Variants in SNX4 observed in about 807,000 individuals in gnomAD.
SNX4 encodes the protein sorting nexin-4.
A neutral mutation model predicts 70.8 loss-of-function variants in SNX4; 49 were observed. That is an observed-to-expected ratio of 0.69 (90% CI 0.55 to 0.88). SNX4 has a LOEUF of 0.88. Ranked by LOEUF, SNX4 falls within the 40% of genes least tolerant of loss-of-function variation. SNX4 has a pLI of 0.00. For missense variants in SNX4, 528 were observed against 544.8 expected (o/e 0.97, Z 0.31); for synonymous variants, 206 against 183.8 (o/e 1.12, Z -0.98).
At chr3:125,469,558 A>G (rs929949534) in intron 8 of SNX4, 39 bp from the exon 9 acceptor site, 3 of 1,343,736 alleles carry the variant, frequency 2.2e-6, no homozygotes, top group African/African-American at 1.4e-5. Flanking sequence ...AACATGCATT[A>G]GAGATATGGA....
chr3:125,469,631 C>A, intron 8 of SNX4, 112 bp from the exon 9 acceptor site: 1 of 720,970 alleles, frequency 1.4e-6, no homozygotes, highest in South Asian at 1.8e-5. Flanking sequence ...ATGTATAGCA[C>A]CCGTATTTGG....
rs1398252177 is a variant in SNX4, at chr3:125,498,052, T to G, written c.399+7A>C. On this transcript the variant is annotated splice_region_variant and intron_variant, in intron 3 of 13. Transcript: ENST00000251775. Reference sequence around the variant, plus strand: ...TACTTCTAAACTACTGCCATTTCACTTCTTACCCGTTTTTCTGGCAGAGGT... The same window carrying G: ...TACTTCTAAACTACTGCCATTTCACGTCTTACCCGTTTTTCTGGCAGAGGT... 6.2e-7 allele frequency: 1 copy of G among 1,614,008 alleles called. No homozygotes were observed. The highest frequency in any genetic ancestry group is 1.3e-5 in the African/African-American group (1 of 74,928).
intron 6 of SNX4, among the ~76,000 whole-genome samples, chr3:125,483,214 C>A (rs1157008617): frequency 2.0e-5 from 3 of 151,390 alleles, no homozygotes; most frequent in African/African-American, 7.3e-5. Context: ...GCTTTCTTTA[C>A]GTAGAGCCAG....
Position 125,447,767 on chromosome 3 carries a change from C to T in SNX4, c.*12G>A. The T allele has an allele frequency of 6.3e-7, 1 of 1,582,238 alleles. No homozygotes were observed. Among genetic ancestry groups the T allele is most frequent in the Non-Finnish European group, 8.6e-7 (1 of 1,165,218 alleles). On this transcript the variant is annotated 3_prime_UTR_variant, in exon 14 of 14. Coordinates refer to ENST00000251775, the MANE Select transcript of SNX4 (RefSeq NM_003794.4). ...GGGGCACTTTGATTGAAGAGAAATT[C>T]AATTCACAGGATTACATCTTGCTAA...
chr3:125,483,387 T>G (rs1934459504), intron 6 of SNX4, among the ~76,000 whole-genome samples: 1 of 152,076 alleles, frequency 6.6e-6, no homozygotes, highest in African/African-American at 2.4e-5. Flanking sequence ...CAGAACTGAT[T>G]AGGTCCCCTA....
chr3:125,493,477 C>T (rs1934706704), intron 5 of SNX4, among the ~76,000 whole-genome samples: 2 of 150,620 alleles, frequency 1.3e-5, no homozygotes, highest in Non-Finnish European at 3.0e-5. Context: ...CACGGTGAAA[C>T]CCTATCTCTA....
intron 5 of SNX4, among the ~76,000 whole-genome samples, chr3:125,494,910 C>T (rs1335890411): frequency 2.0e-5 from 3 of 152,154 alleles, no homozygotes; most frequent in Non-Finnish European, 4.4e-5. Flanking sequence ...GTGTGACTCA[C>T]ATACCACTGC....
intron 5 of SNX4, among the ~76,000 whole-genome samples, chr3:125,491,983 C>T (rs1269272222): frequency 6.6e-6 from 1 of 151,900 alleles, no homozygotes; most frequent in Non-Finnish European, 1.5e-5. Flanking sequence ...TGGCACATGC[C>T]TGTAATCCCA....
intron 12 of SNX4, among the ~76,000 whole-genome samples, chr3:125,452,414 T>A (rs1158261670): frequency 6.6e-6 from 1 of 151,950 alleles, no homozygotes; most frequent in Admixed American, 6.6e-5. Flanking sequence ...TTGTTTTAAA[T>A]CACAACCAAA....
At chr3:125,456,680 A>G (rs1933724024) in intron 11 of SNX4, among the ~76,000 whole-genome samples, 1 of 152,122 alleles carries the variant, frequency 6.6e-6, no homozygotes, top group Non-Finnish European at 1.5e-5. Flanking sequence ...AATTTTTTTG[A>G]GATGGAGTCT....
intron 1 of SNX4, among the ~76,000 whole-genome samples, chr3:125,510,748 G>T (rs1935152749): frequency 6.6e-6 from 1 of 152,162 alleles, no homozygotes; most frequent in African/African-American, 2.4e-5. Flanking sequence ...AATGATGGCT[G>T]CCAGCAGCTG....
intron 8 of SNX4, among the ~76,000 whole-genome samples, chr3:125,471,121 G>A (rs923422913): frequency 3.3e-5 from 5 of 152,090 alleles, no homozygotes; most frequent in African/African-American, 9.7e-5. Context: ...AAGGAGGGCA[G>A]ATCACCTGAG....
intron 1 of SNX4, among the ~76,000 whole-genome samples, chr3:125,514,867 A>C (rs929119780): frequency 1.3e-5 from 2 of 152,118 alleles, no homozygotes; most frequent in East Asian, 3.9e-4. Flanking sequence ...TATTTTTTGT[A>C]GACTGGGTCT....
chr3:125,497,292 T>C, intron 5 of SNX4, 49 bp downstream of exon 5: 1 of 1,221,454 alleles, frequency 8.2e-7, no homozygotes, highest in Non-Finnish European at 1.2e-6. Flanking sequence ...CATGGCACCA[T>C]GCTGGGAACT....
chr3:125,459,568 C>G (rs189698877), intron 10 of SNX4, among the ~76,000 whole-genome samples: 4 of 152,214 alleles, frequency 2.6e-5, no homozygotes, highest in Admixed American at 2.0e-4. Flanking sequence ...TCTCCAGCAG[C>G]TGGGATTACA....
chr3:125,510,552 T>A (rs1279998491), intron 1 of SNX4, among the ~76,000 whole-genome samples: 1 of 152,012 alleles, frequency 6.6e-6, no homozygotes. Context: ...GAACGTGATA[T>A]ATATACAAAC....
At chr3:125,473,708 C>G (rs986346526) in intron 8 of SNX4, among the ~76,000 whole-genome samples, 3 of 152,198 alleles carry the variant, frequency 2.0e-5, no homozygotes, top group Non-Finnish European at 4.4e-5. Context: ...AGCCACTGTG[C>G]CTGGCCTAAA....
At position 125,460,812 on chromosome 3, in the gene SNX4, T is replaced by C; in HGVS notation, c.903A>G (p.Ala301=). 6.4e-7 allele frequency: 1 copy of C among 1,567,518 alleles called. No homozygotes were observed. Among genetic ancestry groups the C allele is most frequent in the Non-Finnish European group, 8.6e-7 (1 of 1,157,078 alleles). ...AAAAAAGATACTCTTTTAACTGATC[T>C]GCATAATGTTCTTCATCTTCCAAAA... is the stretch of plus-strand genomic sequence containing the variant. ...DDILEDEEHY[A]DQLKEYLFYA... is the part of the protein sequence containing the mutation. The change falls in exon 10 of 14, where the codon GCA becomes GCG. Residue 301 remains alanine (A), a synonymous_variant. Transcript: ENST00000251775.
At chr3:125,513,734 A>C (rs1295667091) in intron 1 of SNX4, among the ~76,000 whole-genome samples, 1 of 152,178 alleles carries the variant, frequency 6.6e-6, no homozygotes, top group Non-Finnish European at 1.5e-5. Context: ...CACCTATTGA[A>C]ATCACTTCCC....
Sources: gnomAD v4.1 joint callset for allele counts (sites outside exome capture counted in the v4.1 genomes callset) on GRCh38, gnomAD v4.1.1 for gene constraint, MANE v1.5 for transcripts, NCBI Gene and HGNC (gene_info 2026-07-23, HGNC 2026-07-21) for gene names.